GPHN: variants seen among roughly 807,000 people sequenced by gnomAD.
GPHN encodes gephyrin.
Under a neutral mutation model 95.5 loss-of-function variants are expected in GPHN, and 17 were observed. The ratio of observed to expected loss-of-function variants is 0.18; its 90% CI spans 0.12 to 0.27. GPHN has a LOEUF of 0.27. Ranked by LOEUF, GPHN falls within the 10% of genes least tolerant of loss-of-function variation. GPHN has a pLI of 1.00. For missense variants in GPHN, 660 were observed against 978.1 expected (o/e 0.67, Z 4.34); for synonymous variants, 320 against 322.5 (o/e 0.99, Z 0.08).
chr14:66,799,134 CTT>C (rs1371448719), intron 3 of GPHN, among the ~76,000 whole-genome samples: 4 of 151,816 alleles, frequency 2.6e-5, no homozygotes, highest in Non-Finnish European at 5.9e-5. Flanking sequence ...CAAAATTCCT[CTT>C]GTTATTGATT....
intron 5 of GPHN, among the ~76,000 whole-genome samples, chr14:66,883,510 A>G (rs1382342154): frequency 6.6e-6 from 1 of 152,042 alleles, no homozygotes; most frequent in Non-Finnish European, 1.5e-5. Context: ...CTTGGGGTTG[A>G]CATCGGTTGA....
the GPHN span, chr14:67,541,820 A>C: frequency 2.0e-6 from 3 of 1,508,418 alleles, no homozygotes; most frequent in African/African-American, 4.3e-5. Flanking sequence ...CTCTTTCTGC[A>C]TGCTGGTTCT....
the GPHN span, among the ~76,000 whole-genome samples, chr14:67,476,854 A>T: frequency 6.6e-6 from 1 of 152,148 alleles, no homozygotes; most frequent in Non-Finnish European, 1.5e-5. Context: ...GGCTGGGCAC[A>T]GTGGCTCACG....
At chr14:66,588,413 T>A (rs768222741) in intron 1 of GPHN, among the ~76,000 whole-genome samples, 1 of 152,022 alleles carries the variant, frequency 6.6e-6, no homozygotes, top group Non-Finnish European at 1.5e-5. Context: ...AAAATTAGGC[T>A]TCAGAAGGTG....
At chr14:66,803,252 C>T (rs565562529) in intron 3 of GPHN, among the ~76,000 whole-genome samples, 1 of 152,256 alleles carries the variant, frequency 6.6e-6, no homozygotes, top group African/African-American at 2.4e-5. Context: ...GTCCTTCTCC[C>T]CAGGGCACAG....
chr14:66,572,137 A>G (rs903895174), intron 1 of GPHN, among the ~76,000 whole-genome samples: 3 of 152,130 alleles, frequency 2.0e-5, no homozygotes, highest in East Asian at 3.9e-4. Context: ...TGCCAGTACC[A>G]TGCTGTTTTG....
the GPHN span, among the ~76,000 whole-genome samples, chr14:67,371,862 T>C: frequency 6.6e-6 from 1 of 152,222 alleles, no homozygotes. Context: ...AATATGTGAT[T>C]AGCATAGATA....
intron 8 of GPHN, among the ~76,000 whole-genome samples, chr14:66,934,664 C>T (rs1054240150): frequency 7.9e-5 from 12 of 152,286 alleles, no homozygotes; most frequent in African/African-American, 2.2e-4. Context: ...CCAAGAATTA[C>T]GTCTTGGGAC....
chr14:67,579,878 T>C, the GPHN span: 1 of 1,596,350 alleles, frequency 6.3e-7, no homozygotes, highest in East Asian at 2.3e-5. Flanking sequence ...AGTGTCAAGG[T>C]GACAGCCTCC....
chr14:66,903,454 A>G (rs1193245758), intron 5 of GPHN, among the ~76,000 whole-genome samples: 2 of 152,160 alleles, frequency 1.3e-5, no homozygotes, highest in African/African-American at 4.8e-5. Flanking sequence ...TTATCTAAGT[A>G]TAACTACTCC....
intron 13 of GPHN, among the ~76,000 whole-genome samples, chr14:67,104,512 T>G (rs1456113416): frequency 6.6e-6 from 1 of 152,150 alleles, no homozygotes; most frequent in Non-Finnish European, 1.5e-5. Flanking sequence ...GTGGGAGACT[T>G]TATTACAGAT....
At chr14:67,150,740 G>A (rs1158867195) in intron 18 of GPHN, among the ~76,000 whole-genome samples, 2 of 151,532 alleles carry the variant, frequency 1.3e-5, no homozygotes, top group African/African-American at 4.9e-5. Context: ...TGTATGTTTT[G>A]AGGCAGGGTC....
chr14:67,241,988 A>G, the GPHN span: 2 of 152,208 alleles, frequency 1.3e-5, no homozygotes, highest in African/African-American at 4.8e-5. Context: ...AGCTGCTGGT[A>G]TTCTGCTGCT....
chr14:66,540,899 G>T (rs190871181), intron 1 of GPHN, among the ~76,000 whole-genome samples: 1 of 152,166 alleles, frequency 6.6e-6, no homozygotes, highest in African/African-American at 2.4e-5. Context: ...TCAACCTCCT[G>T]AGTAGCTGGG....
chr14:66,993,204 C>T (rs1369105257), intron 9 of GPHN, among the ~76,000 whole-genome samples: 1 of 151,870 alleles, frequency 6.6e-6, no homozygotes, highest in Non-Finnish European at 1.5e-5. Flanking sequence ...TTATTTTCTT[C>T]TTTTTTATTG....
rs773191897 is a variant in GPHN at position 67,122,328 on chromosome 14, A to G, written c.1699A>G (p.Ile567Val). The change falls in exon 17 of 23, where the codon ATT (isoleucine) becomes GTT (valine). Residue 567 changes from isoleucine to valine, a missense_variant. Coordinates refer to ENST00000478722, the MANE Select transcript of GPHN (RefSeq NM_020806.5). Reference sequence around the variant, plus strand: ...CAATCGTTCAACTCTTCTAGCAACAATTCAGGAACATGGTTACCCCACGAT... The same window carrying G: ...CAATCGTTCAACTCTTCTAGCAACAGTTCAGGAACATGGTTACCCCACGAT... ...DSNRSTLLAT[I>V]QEHGYPTINL... The G allele has an allele frequency of 1.2e-6, 2 of 1,613,052 alleles. No individual in the cohort carries two copies. The highest frequency in any genetic ancestry group is 2.7e-5 in the African/African-American group (2 of 74,912).
rs576675033 is a variant in GPHN, at chr14:67,006,780, G to A, written c.964-16853G>A. On this transcript the variant is annotated intron_variant, in intron 9 of 22. Transcript: ENST00000478722. The stretch of plus-strand genomic sequence containing the variant: ...TGCACTTGGGTGGAAGAGTAGGAAA[G>A]AGAAAAAAAGGATGCCAGTGAGACC... Among the ~76,000 whole-genome samples the A allele has an allele frequency of 1.3e-3, 191 of 152,130 alleles. 11 individuals are homozygous for A. The South Asian group carries it at 0.039, about 31-fold the overall frequency.
At chr14:66,571,449 T>C (rs375148518) in intron 1 of GPHN, among the ~76,000 whole-genome samples, 1 of 152,168 alleles carries the variant, frequency 6.6e-6, no homozygotes, top group East Asian at 1.9e-4. Context: ...GTCTCTTCAC[T>C]CTGTTGATCA....
chr14:67,110,411 A>G (rs894715937), intron 14 of GPHN, 152 bp downstream of exon 14: 11 of 722,142 alleles, frequency 1.5e-5, no homozygotes, highest in South Asian at 1.4e-4. Context: ...ATTGTAGTAT[A>G]TGAGTCTCCA....
Sources: allele counts gnomAD v4.1 joint callset (sites outside exome capture counted in the v4.1 genomes callset), GRCh38; gene constraint gnomAD v4.1.1; transcripts MANE v1.5; gene names NCBI Gene and HGNC (gene_info 2026-07-23, HGNC 2026-07-21).